SASH1: variants seen among roughly 807,000 people sequenced by gnomAD.
The protein encoded by SASH1 is SAM and SH3 domain-containing protein 1.
A neutral mutation model predicts 125.2 loss-of-function variants in SASH1; 44 were observed. The ratio of observed to expected loss-of-function variants is 0.35; its 90% CI spans 0.28 to 0.45. The LOEUF (loss-of-function observed/expected upper bound fraction) is 0.45, where lower values mean the gene tolerates loss of function less well. Ranked by LOEUF, SASH1 falls within the 20% of genes least tolerant of loss-of-function variation. SASH1 has a pLI of 1.00. For synonymous variants in SASH1, 639 were observed against 649.1 expected (o/e 0.98, Z 0.24); for missense variants, 1,426 against 1,614.5 (o/e 0.88, Z 2.00).
intron 7 of SASH1, among the ~76,000 whole-genome samples, chr6:148,482,583 G>A (rs1032432152): frequency 2.6e-5 from 4 of 151,466 alleles, no homozygotes; most frequent in African/African-American, 7.3e-5. Context: ...GTGCAGTGGC[G>A]TGATAATGGT....
In SASH1 at chr6:148,365,412, C is replaced by T. The variant is rs988345479; in HGVS notation, c.156+22189C>T. Among the ~76,000 whole-genome samples the T allele has an allele frequency of 3.7e-3, 536 of 144,456 alleles. 3 individuals carry two copies. The highest frequency in any genetic ancestry group is 0.013 in the African/African-American group (516 of 39,276). 94.8% of individuals were successfully genotyped at this position (144,456 alleles called of 152,430 possible). A position where few individuals can be genotyped will look rare whatever the true frequency, so the allele number is the denominator to read the frequency against. On this transcript the variant is annotated intron_variant, in intron 1 of 19. Transcript: ENST00000367467. ...TTATTGGATCAAATTCTTTTACTAT[C>T]TTTTTTTTTTTTTTAACTGAGACAT... is the stretch of plus-strand genomic sequence containing the variant.
At chr6:148,207,445 A>G in the SASH1 span, among the ~76,000 whole-genome samples, 1,087 of 152,332 alleles carry the variant, frequency 7.1e-3, 10 homozygotes, top group African/African-American at 0.025. Context: ...TCCATCCCGA[A>G]CAGTTCTAAA....
At chr6:148,466,464 A>G (rs1777841928) in intron 4 of SASH1, among the ~76,000 whole-genome samples, 1 of 152,202 alleles carries the variant, frequency 6.6e-6, no homozygotes, top group South Asian at 2.1e-4. Context: ...GCTCTGCGTG[A>G]AAAAGCCTCC....
Position 148,324,118 on chromosome 6 carries a change from C to CAAAAAAAAAAAAAAA in SASH1, n.74+51745_74+51759dup, listed in dbSNP as rs56950339. Among the ~76,000 whole-genome samples, 20 of 59,432 alleles carry CAAAAAAAAAAAAAAA rather than the reference C, an allele frequency of 3.4e-4. 2 individuals carry two copies. Among genetic ancestry groups the CAAAAAAAAAAAAAAA allele is most frequent in the South Asian group, 1.9e-3 (2 of 1,032 alleles). 39.0% of individuals were successfully genotyped at this position (59,432 alleles called of 152,430 possible). On this transcript the variant is annotated intron_variant and non_coding_transcript_variant, in intron 1 of 3. Transcript: ENST00000367469. ...GTGGTGACAGAGCAAGAATCTGTCT[C>CAAAAAAAAAAAAAAA]AAAAAAAAAAAAAAAAAACAAGCAT... is the stretch of plus-strand genomic sequence containing the variant.
rs1271937041 is a variant in SASH1, at chr6:148,423,616, G to C, written c.286-16568G>C. Among the ~76,000 whole-genome samples, 3 of 152,106 alleles carry C rather than the reference G, an allele frequency of 2.0e-5. No homozygotes were observed. The East Asian group carries it at 5.8e-4, about 29-fold the overall frequency. On this transcript the variant is annotated intron_variant, in intron 2 of 19. Transcript: ENST00000367467. Reference sequence around the variant, plus strand: ...CCCAATCTGCATACTAATCAGTTCCGACGTTATTTATATGATAACATGAAA... The same window carrying C: ...CCCAATCTGCATACTAATCAGTTCCCACGTTATTTATATGATAACATGAAA...
At chr6:148,328,896 GTGC>G (rs1306086824) in intron 1 of SASH1, among the ~76,000 whole-genome samples, 1 of 151,998 alleles carries the variant, frequency 6.6e-6, no homozygotes, top group Admixed American at 6.6e-5. Context: ...ATCTTTATCT[GTGC>G]TGCTGCTGAA....
At chr6:148,282,021 A>G (rs1366311520) in intron 1 of SASH1, among the ~76,000 whole-genome samples, 1 of 152,266 alleles carries the variant, frequency 6.6e-6, no homozygotes, top group Non-Finnish European at 1.5e-5. Context: ...CAGCACTGGT[A>G]TAAATGAAAC....
At position 148,327,949 on chromosome 6, in the gene SASH1, A is replaced by AG. The variant is rs1298533510; in HGVS notation, n.74+55572_74+55573insG. Among the ~76,000 whole-genome samples, 3 of 151,678 alleles carry AG rather than the reference A, an allele frequency of 2.0e-5. No individual in the cohort carries two copies. In the East Asian group the frequency reaches 5.8e-4, roughly 30 times the overall value. On this transcript the variant is annotated intron_variant and non_coding_transcript_variant, in intron 1 of 3. Coordinates refer to the SASH1 transcript ENST00000367469. The stretch of plus-strand genomic sequence containing the variant: ...GAGCAAGACTCTGTCTAAAAAAAAA[A>AG]AAAAAAAGAAAAAGAAAAAGAAAAA...
intron 1 of SASH1, among the ~76,000 whole-genome samples, chr6:148,281,875 T>C (rs552243140): frequency 4.7e-4 from 70 of 150,438 alleles, no homozygotes; most frequent in African/African-American, 1.7e-3. Flanking sequence ...TGAGCCAAGA[T>C]TGCACCACTG....
At chr6:148,312,229 C>G (rs1780350650) in intron 1 of SASH1, among the ~76,000 whole-genome samples, 2 of 152,138 alleles carry the variant, frequency 1.3e-5, no homozygotes, top group Non-Finnish European at 2.9e-5. Context: ...GGTTACATGA[C>G]TGTAATACTC....
chr6:148,409,142 C>A (rs1386945166), intron 2 of SASH1, among the ~76,000 whole-genome samples: 1 of 152,156 alleles, frequency 6.6e-6, no homozygotes, highest in Non-Finnish European at 1.5e-5. Context: ...TCCTACCATG[C>A]ATTATTATTC....
rs1165273131 is a variant in SASH1, at chr6:148,343,196, A to G, written c.129A>G (p.Arg43=). 1.9e-6 allele frequency: 3 copies of G among 1,599,220 alleles called. No individual in the cohort carries two copies. The East Asian group carries it at 6.7e-5, about 36-fold the overall frequency. Residue 43 remains arginine, a synonymous_variant, in exon 1 of 20, where the codon CGA becomes CGG. Coordinates refer to ENST00000367467, the MANE Select transcript of SASH1 (RefSeq NM_015278.5). ...CTGGCACATCCGAGGCGTTCTCCCG[A>G]CTCTGGACCGACGTGATGGGTATCC... is the stretch of plus-strand genomic sequence containing the variant. ...PGAGTSEAFS[R]LWTDVMGILD...
chr6:148,393,622 G>C, intron 2 of SASH1: 1 of 786,730 alleles, frequency 1.3e-6, no homozygotes, highest in Non-Finnish European at 1.5e-6. Context: ...TTATTATTTT[G>C]ATTTATTATT....
At chr6:148,235,759 C>T in the SASH1 span, among the ~76,000 whole-genome samples, 4 of 152,094 alleles carry the variant, frequency 2.6e-5, no homozygotes, top group African/African-American at 9.7e-5. Flanking sequence ...GAGTTAAGAC[C>T]TTGACTCTCA....
chr6:148,240,832 G>C, the SASH1 span, among the ~76,000 whole-genome samples: 1 of 152,174 alleles, frequency 6.6e-6, no homozygotes, highest in African/African-American at 2.4e-5. Context: ...TTTAAAGAAA[G>C]AGAAAAGGCA....
chr6:148,429,808 G>T (rs1272531185), intron 2 of SASH1, among the ~76,000 whole-genome samples: 1 of 152,080 alleles, frequency 6.6e-6, no homozygotes, highest in Admixed American at 6.6e-5. Flanking sequence ...GTACTCCCTT[G>T]TACAGGGAGC....
chr6:148,213,524 G>GTGTGTT, the SASH1 span, among the ~76,000 whole-genome samples: 1 of 151,668 alleles, frequency 6.6e-6, no homozygotes. Flanking sequence ...GTGTGTGTGT[G>GTGTGTT]TGTGTGTGTT....
At chr6:148,300,411 A>C (rs1307919894) in intron 1 of SASH1, among the ~76,000 whole-genome samples, 1 of 133,922 alleles carries the variant, frequency 7.5e-6, no homozygotes, top group Non-Finnish European at 1.7e-5. Flanking sequence ...GGTCAAACAA[A>C]CAAACAACAA....
At chr6:148,408,388 G>A (rs895946933) in intron 2 of SASH1, among the ~76,000 whole-genome samples, 5 of 151,792 alleles carry the variant, frequency 3.3e-5, no homozygotes, top group Non-Finnish European at 7.4e-5. Context: ...TTACAGGTGT[G>A]AGCCACCACG....
Sources: allele counts gnomAD v4.1 joint callset (sites outside exome capture counted in the v4.1 genomes callset), GRCh38; gene constraint gnomAD v4.1.1; transcripts MANE v1.5; gene names NCBI Gene and HGNC (gene_info 2026-07-23, HGNC 2026-07-21).